JAG1: variants seen among roughly 807,000 people sequenced by gnomAD.
JAG1 encodes the protein jagged canonical Notch ligand 1, also known as protein jagged-1.
In JAG1, 23 loss-of-function variants were observed where a neutral mutation model predicts 148.7. The observed-to-expected ratio is 0.15, with a 90% CI of 0.11 to 0.22. The LOEUF (loss-of-function observed/expected upper bound fraction) is 0.22, where lower values mean the gene tolerates loss of function less well. Among genes scored for constraint, JAG1 ranks in the 10% least tolerant of loss-of-function variants. The pLI is 1.00. For missense variants in JAG1, 1,054 were observed against 1,611.2 expected, an observed-to-expected ratio of 0.65 and a Z score of 5.92; for synonymous variants, 572 against 598.3, an observed-to-expected ratio of 0.96 and a Z score of 0.64.
At chr20:10,669,113 C>T (rs6077868) in intron 2 of JAG1, among the ~76,000 whole-genome samples, 27,340 of 152,134 alleles carry the variant, frequency 0.18, 2,691 homozygotes, top group Middle Eastern at 0.31. Flanking sequence ...ACAGCTCTTT[C>T]AAAGCAAGCA....
At chr20:10,666,951 C>T (rs147969411) in intron 2 of JAG1, among the ~76,000 whole-genome samples, 1 of 152,348 alleles carries the variant, frequency 6.6e-6, no homozygotes, top group East Asian at 1.9e-4. Context: ...GCTGCTGTGC[C>T]AAGGTTGTGT....
chr20:10,647,162 A>G, intron 13 of JAG1, 59 bp from the exon 14 acceptor site: 1 of 1,604,026 alleles, frequency 6.2e-7, no homozygotes, highest in South Asian at 1.1e-5. Context: ...GGCATTCCTA[A>G]GCCAAGGGCC....
In JAG1 at chr20:10,656,517, C is replaced by A; in HGVS notation, c.695-59G>T. On this transcript the variant is annotated intron_variant, in intron 4 of 25. Coordinates refer to ENST00000254958, the MANE Select transcript of JAG1 (RefSeq NM_000214.3). Reference sequence around the variant, plus strand: ...TGCCTGTTCCTTGCATCGCCCCGGTCATGAGAATGGCCCATTGCATTAAAG... The same window carrying A: ...TGCCTGTTCCTTGCATCGCCCCGGTAATGAGAATGGCCCATTGCATTAAAG... The A allele has an allele frequency of 2.8e-6, 4 of 1,411,862 alleles. No individual in the cohort carries two copies. In the South Asian group the frequency reaches 4.6e-5, roughly 16 times the overall value. The allele number at this position is 1,411,862 out of a possible 1,614,324, so 87.5% of individuals were successfully genotyped here. A position where few individuals can be genotyped will look rare whatever the true frequency, so the allele number is the denominator to read the frequency against.
At chr20:10,641,303 G>A in intron 23 of JAG1, 59 bp from the exon 24 acceptor site, 3 of 1,600,448 alleles carry the variant, frequency 1.9e-6, no homozygotes, top group South Asian at 2.2e-5. Context: ...ACAAAAGGCT[G>A]AGATGTTCTC....
At position 10,645,697 on chromosome 20, in the gene JAG1, A is replaced by G; in HGVS notation, c.2000-228T>C. 6.4e-6 allele frequency: 4 copies of G among 621,172 alleles called. No homozygotes were observed. Among genetic ancestry groups the G allele is most frequent in the Non-Finnish European group, 1.1e-5 (4 of 351,566 alleles). The allele number at this position is 621,172 out of a possible 1,614,324, so 38.5% of individuals were successfully genotyped here. A position where few individuals can be genotyped will look rare whatever the true frequency, so the allele number is the denominator to read the frequency against. On this transcript the variant is annotated intron_variant, in intron 15 of 25. Coordinates refer to ENST00000254958, the MANE Select transcript of JAG1 (RefSeq NM_000214.3). The surrounding 1 kb of genome is among the most constrained non-coding windows in gnomAD (Gnocchi z 6.1). Reference sequence around the variant, plus strand: ...TGTGGGGTGGGCCTCTGGAAGTCCCATGGAAATGAAAGTAGAAATATGACT... The same window carrying G: ...TGTGGGGTGGGCCTCTGGAAGTCCCGTGGAAATGAAAGTAGAAATATGACT...
Position 10,649,112 on chromosome 20 carries a change from AAAAT to A in JAG1, c.1349-9_1349-6del, listed in dbSNP as rs764798214. The A allele has an allele frequency of 2.8e-5, 45 of 1,592,054 alleles. No individual in the cohort carries two copies. Among genetic ancestry groups the A allele is most frequent in the African/African-American group, 4.0e-5 (3 of 74,646 alleles). ...GGCCAAGGCAGTCATTAATATCTAA[AAAAT>A]AAATAAGTCATCATTTTAAAGAGGT... On this transcript the variant is annotated splice_polypyrimidine_tract_variant and splice_region_variant and intron_variant, in intron 10 of 25. Transcript: ENST00000254958.
At chr20:10,653,602 C>T (rs1290253167) in intron 5 of JAG1, among the ~76,000 whole-genome samples, 2 of 17,112 alleles carry the variant, frequency 1.2e-4, no homozygotes, top group African/African-American at 4.8e-4. Context: ...GGGTGGGGTG[C>T]GGGTGGGATG....
intron 3 of JAG1, among the ~76,000 whole-genome samples, chr20:10,660,207 AG>A (rs2067406409): frequency 6.6e-6 from 1 of 152,204 alleles, no homozygotes; most frequent in African/African-American, 2.4e-5. Flanking sequence ...CGCTTCCAAC[AG>A]GGCCCCAGCG....
intron 2 of JAG1, among the ~76,000 whole-genome samples, chr20:10,669,902 T>C (rs1370006667): frequency 6.6e-6 from 1 of 152,236 alleles, no homozygotes; most frequent in Non-Finnish European, 1.5e-5. Context: ...GCCCAATTAC[T>C]TCCCACAATA....
In JAG1 at chr20:10,661,910, G is replaced by A. The variant is rs142838294; in HGVS notation, c.439+2053C>T. ...ACTAGGTATGGATGCTAACAGAGAG[G>A]GGGTACACAGATCGCCTTCTATATT... On this transcript the variant is annotated intron_variant, in intron 3 of 25. Coordinates refer to ENST00000254958, the MANE Select transcript of JAG1 (RefSeq NM_000214.3). Among the ~76,000 whole-genome samples the A allele has an allele frequency of 2.4e-3, 363 of 152,298 alleles. 1 individual carries two copies. The highest frequency in any genetic ancestry group is 4.0e-3 in the Non-Finnish European group (270 of 68,026).
chr20:10,665,834 C>G (rs990826635), intron 2 of JAG1, among the ~76,000 whole-genome samples: 1 of 152,178 alleles, frequency 6.6e-6, no homozygotes, highest in Non-Finnish European at 1.5e-5. Context: ...CATGGCAGTA[C>G]TAACTCAGTT....
intron 5 of JAG1, among the ~76,000 whole-genome samples, chr20:10,653,750 C>T (rs954205842): frequency 5.3e-5 from 8 of 152,098 alleles, no homozygotes; most frequent in African/African-American, 1.7e-4. Context: ...TTCCCAAGAG[C>T]GGGAGGCAGG....
At chr20:10,662,744 A>C (rs927387087) in intron 3 of JAG1, among the ~76,000 whole-genome samples, 36 of 151,746 alleles carry the variant, frequency 2.4e-4, no homozygotes, top group African/African-American at 8.5e-4. Context: ...TGCCACCCCC[A>C]CACACACCCC....
chr20:10,641,567 G>C lies in JAG1; in HGVS notation c.2809C>G (p.Arg937Gly). 6.2e-7 allele frequency: 1 copy of C among 1,614,176 alleles called. No individual in the cohort carries two copies. Residue 937 changes from arginine to glycine, a missense_variant, in exon 23 of 26, where the codon CGG becomes GGG. By Grantham distance (125) the Arg-to-Gly change is moderately radical. This residue lies in a region of JAG1 where 342 missense variants were observed against 514.6 expected (regional missense o/e 0.66). Transcript: ENST00000254958. ...VHPCTGVGECRSSSLQPVKTK... is the reference protein window; with the variant it reads ...VHPCTGVGECGSSSLQPVKTK... The stretch of plus-strand genomic sequence containing the variant: ...TTCACCGGCTGGAGACTGGAAGACC[G>C]ACACTCGCCCACACCAGTGCAGGGG...
chr20:10,639,747 G>A lies in JAG1; in HGVS notation c.3408C>T (p.Ile1136=). The A allele has an allele frequency of 6.2e-7, 1 of 1,614,082 alleles. No individual in the cohort carries two copies. Among genetic ancestry groups the A allele is most frequent in the Non-Finnish European group, 8.5e-7 (1 of 1,179,954 alleles). ...TGGAGTTCTTGTTCTCATAATCCTT[G>A]ATGGGGACCGTGTTGGCCCCATGTT... ...IEKHGANTVP[I]KDYENKNSKM... is the part of the protein sequence containing the mutation. The change falls in exon 26 of 26, where the codon ATC becomes ATT. Residue 1136 remains isoleucine, a synonymous_variant. Coordinates refer to ENST00000254958, the MANE Select transcript of JAG1 (RefSeq NM_000214.3).
At chr20:10,656,703 C>T (rs557645800) in intron 4 of JAG1, among the ~76,000 whole-genome samples, 18 of 152,174 alleles carry the variant, frequency 1.2e-4, no homozygotes, top group South Asian at 2.1e-4. Context: ...GACAAGTTGA[C>T]GAGGGAAGGG....
chr20:10,668,330 A>G (rs2067471106), intron 2 of JAG1, among the ~76,000 whole-genome samples: 1 of 152,080 alleles, frequency 6.6e-6, no homozygotes, highest in Non-Finnish European at 1.5e-5. Flanking sequence ...TTTGAGAGAT[A>G]TATATATATT....
At position 10,641,448 on chromosome 20, in the gene JAG1, G is replaced by C; in HGVS notation, c.2916+12C>G. On this transcript the variant is annotated intron_variant, in intron 23 of 25. Transcript: ENST00000254958. Reference sequence around the variant, plus strand: ...TCCACCATTCAAAAAAAAAACAAAGGTTGTTACATACTGGTGACATCATCT... The same window carrying C: ...TCCACCATTCAAAAAAAAAACAAAGCTTGTTACATACTGGTGACATCATCT... 6.2e-7 allele frequency: 1 copy of C among 1,608,260 alleles called. No individual in the cohort carries two copies. The highest frequency in any genetic ancestry group is 1.3e-5 in the African/African-American group (1 of 74,914).
intron 2 of JAG1, among the ~76,000 whole-genome samples, chr20:10,672,142 C>A (rs1423081747): frequency 6.6e-6 from 1 of 152,140 alleles, no homozygotes; most frequent in African/African-American, 2.4e-5. Context: ...CCGCCCCCGG[C>A]CCTTAAGCCG....
Sources: gnomAD v4.1 joint callset for allele counts (sites outside exome capture counted in the v4.1 genomes callset) on GRCh38, gnomAD v4.1.1 for gene constraint, gnomAD v4.1.1 regional missense constraint, Gnocchi (gnomAD v3.1) non-coding constraint, MANE v1.5 for transcripts, NCBI Gene and HGNC (gene_info 2026-07-23, HGNC 2026-07-21) for gene names.